MAPK9: variants seen among roughly 807,000 people sequenced by gnomAD.
MAPK9 encodes the protein mitogen-activated protein kinase 9, also known as Jun kinase.
Under a neutral mutation model 57.1 loss-of-function variants are expected in MAPK9, and 30 were observed. The ratio of observed to expected loss-of-function variants is 0.53; its 90% CI spans 0.39 to 0.71. MAPK9 has a LOEUF of 0.71. Among genes scored for constraint, MAPK9 ranks in the 30% least tolerant of loss-of-function variants. The pLI, the probability that MAPK9 is intolerant of heterozygous loss-of-function variation, is 0.00. For synonymous variants in MAPK9, 155 were observed against 177.0 expected (o/e 0.88, Z 0.99); for missense variants, 362 against 521.0 (o/e 0.69, Z 2.97).
chr5:180,290,403 C>T (rs1763126782), intron 1 of MAPK9, among the ~76,000 whole-genome samples: 1 of 152,208 alleles, frequency 6.6e-6, no homozygotes, highest in African/African-American at 2.4e-5. Flanking sequence ...AGCCCCTCCC[C>T]TATAGCAAGG....
At position 180,247,705 on chromosome 5, in the gene MAPK9, G is replaced by T; in HGVS notation, c.617-195C>A. ...GTTTGTAGCAATCTGGGGTTTTAGT[G>T]CCAAAGAGTCCAATACTTTATAGCT... is the stretch of plus-strand genomic sequence containing the variant. On this transcript the variant is annotated intron_variant, in intron 6 of 11. Coordinates refer to ENST00000452135, the MANE Select transcript of MAPK9 (RefSeq NM_002752.5). This position sits in a 1 kb window ranked among gnomAD's most constrained non-coding sequence, Gnocchi z 4.5. The T allele has an allele frequency of 1.0e-6, 1 of 986,280 alleles. No homozygotes were observed. Among genetic ancestry groups the T allele is most frequent in the Non-Finnish European group, 1.6e-6 (1 of 635,990 alleles). 61.1% of individuals were successfully genotyped at this position (986,280 alleles called of 1,614,324 possible).
Position 180,247,371 on chromosome 5 carries a change from A to T in MAPK9, c.688+68T>A, listed in dbSNP as rs1333716399. ...ACTTTGTCCTCGTGAGCGCTCGTGT[A>T]AGCAGGTGGTCATGCTGCCTGAGGC... On this transcript the variant is annotated intron_variant, in intron 7 of 11. Coordinates refer to ENST00000452135, the MANE Select transcript of MAPK9 (RefSeq NM_002752.5). The surrounding 1 kb of genome is among the most constrained non-coding windows in gnomAD (Gnocchi z 4.5). The T allele has an allele frequency of 2.5e-6, 4 of 1,583,710 alleles. No individual in the cohort carries two copies. The African/African-American group carries it at 5.4e-5, about 21-fold the overall frequency.
intron 1 of MAPK9, among the ~76,000 whole-genome samples, chr5:180,287,378 G>A (rs182000525): frequency 6.6e-6 from 1 of 152,322 alleles, no homozygotes; most frequent in Non-Finnish European, 1.5e-5. Context: ...TGCCATTTGT[G>A]CAACTTCCTG....
chr5:180,287,713 G>A (rs919784734), intron 1 of MAPK9, among the ~76,000 whole-genome samples: 1 of 152,106 alleles, frequency 6.6e-6, no homozygotes, highest in East Asian at 1.9e-4. Context: ...TCTAGTTCAA[G>A]CACTTGCTTC....
intron 10 of MAPK9, among the ~76,000 whole-genome samples, chr5:180,239,284 G>A (rs1201385762): frequency 2.0e-5 from 3 of 152,182 alleles, no homozygotes; most frequent in African/African-American, 7.2e-5. Flanking sequence ...GCAAGCATTC[G>A]CTGAGGCCAG....
intron 7 of MAPK9, among the ~76,000 whole-genome samples, chr5:180,244,453 C>T (rs943916710): frequency 6.6e-6 from 1 of 152,152 alleles, no homozygotes; most frequent in Non-Finnish European, 1.5e-5. Context: ...CGCTTTATTT[C>T]TTATTCCTAT....
At chr5:180,252,444 C>A (rs1349795803) in intron 5 of MAPK9, among the ~76,000 whole-genome samples, 1 of 152,162 alleles carries the variant, frequency 6.6e-6, no homozygotes, top group Non-Finnish European at 1.5e-5. Context: ...ACGAGTTAGA[C>A]TGGGATGCAA....
At chr5:180,278,134 A>G (rs1454811773) in intron 2 of MAPK9, among the ~76,000 whole-genome samples, 1 of 152,242 alleles carries the variant, frequency 6.6e-6, no homozygotes, top group Non-Finnish European at 1.5e-5. Context: ...TTGACCTATC[A>G]AAGTATCAGT....
intron 6 of MAPK9, chr5:180,248,009 A>C: frequency 7.5e-7 from 1 of 1,337,262 alleles, no homozygotes; most frequent in Non-Finnish European, 1.0e-6. Flanking sequence ...AACCCGGTAC[A>C]CGTCACTAGC....
intron 2 of MAPK9, among the ~76,000 whole-genome samples, chr5:180,276,715 G>T (rs371845859): frequency 6.6e-6 from 1 of 152,132 alleles, no homozygotes; most frequent in Non-Finnish European, 1.5e-5. Context: ...TTAGCTGGGC[G>T]TGGTGGCGCA....
rs547204352 is a variant in MAPK9, at chr5:180,267,327, C to T, written c.252+1953G>A. Among the ~76,000 whole-genome samples, 40 of 151,964 alleles carry T rather than the reference C, an allele frequency of 2.6e-4. 1 individual carries two copies. The South Asian group carries it at 2.7e-3, about 10-fold the overall frequency. ...CTGTAATCCCAGCACTTTGGGACGC[C>T]GAGGCAGGCAGATCACGAGGTCAGG... On this transcript the variant is annotated intron_variant, in intron 3 of 11. Coordinates refer to ENST00000452135, the MANE Select transcript of MAPK9 (RefSeq NM_002752.5).
chr5:180,263,738 C>T (rs1398650242), intron 4 of MAPK9, among the ~76,000 whole-genome samples: 1 of 131,256 alleles, frequency 7.6e-6, no homozygotes, highest in Non-Finnish European at 1.5e-5. Flanking sequence ...CAGAGTCTTG[C>T]TCTGTCGCCC....
At chr5:180,257,827 A>C (rs183516903) in intron 5 of MAPK9, 1 of 171,082 alleles carries the variant, frequency 5.8e-6, no homozygotes, top group Admixed American at 5.9e-5. Flanking sequence ...TCTGAACCTG[A>C]AGAAGAAAAT....
chr5:180,245,080 C>T (rs1307735355), intron 7 of MAPK9, among the ~76,000 whole-genome samples: 3 of 152,208 alleles, frequency 2.0e-5, no homozygotes, highest in Non-Finnish European at 4.4e-5. Flanking sequence ...GGCTAAGTCC[C>T]GGGTCCTGGT....
intron 1 of MAPK9, among the ~76,000 whole-genome samples, chr5:180,282,059 T>G (rs1396063526): frequency 1.3e-5 from 2 of 152,214 alleles, no homozygotes; most frequent in East Asian, 3.8e-4. Context: ...CAGGTCACTG[T>G]GCTCTAAGCT....
intron 11 of MAPK9, chr5:180,237,523 A>G (rs1394243589): frequency 6.6e-6 from 1 of 152,228 alleles, no homozygotes; most frequent in African/African-American, 2.4e-5. Flanking sequence ...TGGGAAAATG[A>G]TATCAACAAT....
chr5:180,237,732 C>T (rs1757287651), intron 11 of MAPK9: 1 of 152,196 alleles, frequency 6.6e-6, no homozygotes, highest in South Asian at 2.1e-4. Flanking sequence ...AAATGTCATC[C>T]ACCACCACCA....
At chr5:180,266,851 T>C (rs933995679) in intron 3 of MAPK9, among the ~76,000 whole-genome samples, 8 of 152,214 alleles carry the variant, frequency 5.3e-5, no homozygotes, top group Admixed American at 3.9e-4. Flanking sequence ...CCTGACAATG[T>C]TGGCCAAGAA....
At position 180,235,696 on chromosome 5, in the gene MAPK9, A is replaced by G. The variant is rs931502941; in HGVS notation, c.*688T>C. 1 of 152,244 alleles carries G rather than the reference A, an allele frequency of 6.6e-6. No homozygotes were observed. Among genetic ancestry groups the G allele is most frequent in the Admixed American group, 6.5e-5 (1 of 15,280 alleles). 9.4% of individuals were successfully genotyped at this position (152,244 alleles called of 1,614,324 possible). ...AGCTGAATGTACAATCATCCCAGAC[A>G]AGACAGTTTAAAGAAAACAAGATGT... is the stretch of plus-strand genomic sequence containing the variant. On this transcript the variant is annotated 3_prime_UTR_variant, in exon 12 of 12. Transcript: ENST00000452135.
Sources: gnomAD v4.1 joint callset for allele counts (sites outside exome capture counted in the v4.1 genomes callset) on GRCh38, gnomAD v4.1.1 for gene constraint, Gnocchi (gnomAD v3.1) non-coding constraint, MANE v1.5 for transcripts, NCBI Gene and HGNC (gene_info 2026-07-23, HGNC 2026-07-21) for gene names.